ATP8A2: variants seen among roughly 807,000 people sequenced by gnomAD.
ATP8A2 encodes phospholipid-transporting ATPase IB.
A neutral mutation model predicts 165.6 loss-of-function variants in ATP8A2; 100 were observed. The observed-to-expected ratio is 0.60, with a 90% CI of 0.51 to 0.71. The LOEUF (loss-of-function observed/expected upper bound fraction) is 0.71. ATP8A2 is among the 30% of genes least tolerant of loss of function. The pLI, the probability that ATP8A2 is intolerant of heterozygous loss-of-function variation, is 0.00. For missense variants in ATP8A2, 1,227 were observed against 1,479.5 expected, an observed-to-expected ratio of 0.83 and a Z score of 2.80; for synonymous variants, 543 against 548.8, an observed-to-expected ratio of 0.99 and a Z score of 0.15.
intron 1 of ATP8A2, among the ~76,000 whole-genome samples, chr13:25,449,448 T>G (rs775862999): frequency 6.6e-6 from 1 of 152,234 alleles, no homozygotes; most frequent in African/African-American, 2.4e-5. Context: ...ATATGTTATT[T>G]CAGTTCCTTT....
intron 24 of ATP8A2, among the ~76,000 whole-genome samples, chr13:25,695,830 G>T (rs1045154388): frequency 5.9e-5 from 9 of 152,142 alleles, no homozygotes; most frequent in African/African-American, 2.2e-4. Flanking sequence ...CATGAGGGTT[G>T]AAATCAACTT....
chr13:25,573,758 G>A (rs2039536135), intron 18 of ATP8A2, among the ~76,000 whole-genome samples: 1 of 152,132 alleles, frequency 6.6e-6, no homozygotes, highest in South Asian at 2.1e-4. Flanking sequence ...ATGATGGAAA[G>A]TTAGGACAGG....
chr13:25,992,140 G>A (rs994383600), intron 35 of ATP8A2, among the ~76,000 whole-genome samples: 1 of 151,182 alleles, frequency 6.6e-6, no homozygotes, highest in Non-Finnish European at 1.5e-5. Flanking sequence ...TTTCAGAGTG[G>A]GCATACCATT....
At chr13:25,571,873 A>G in intron 18 of ATP8A2, 181 bp downstream of exon 18, 1 of 661,386 alleles carries the variant, frequency 1.5e-6, no homozygotes, top group Non-Finnish European at 2.7e-6. Flanking sequence ...GCATTGCAGT[A>G]TTGTTTTCCC....
intron 1 of ATP8A2, among the ~76,000 whole-genome samples, chr13:25,397,444 A>C (rs2033466249): frequency 6.6e-6 from 1 of 152,036 alleles, no homozygotes; most frequent in African/African-American, 2.4e-5. Context: ...CATGACCACA[A>C]CTTCCTAATA....
intron 16 of ATP8A2, among the ~76,000 whole-genome samples, chr13:25,565,198 G>A (rs981618368): frequency 6.6e-6 from 1 of 152,118 alleles, no homozygotes; most frequent in Non-Finnish European, 1.5e-5. Context: ...GAATTGTACT[G>A]CTATAAACAT....
chr13:25,685,632 A>C (rs1332759094), intron 24 of ATP8A2, among the ~76,000 whole-genome samples: 4 of 152,220 alleles, frequency 2.6e-5, no homozygotes, highest in African/African-American at 4.8e-5. Flanking sequence ...GGTGAGCTGC[A>C]TGGAAATCTG....
intron 33 of ATP8A2, among the ~76,000 whole-genome samples, chr13:25,879,662 C>T (rs1417455150): frequency 6.6e-6 from 1 of 152,220 alleles, no homozygotes; most frequent in Non-Finnish European, 1.5e-5. Flanking sequence ...TGGACAAGCC[C>T]AGGTCTCCCA....
chr13:25,743,565 A>T (rs1483195082), intron 25 of ATP8A2, among the ~76,000 whole-genome samples: 1 of 152,184 alleles, frequency 6.6e-6, no homozygotes, highest in Admixed American at 6.5e-5. Flanking sequence ...ATGGGAGCAG[A>T]GCTGCACTTC....
intron 18 of ATP8A2, among the ~76,000 whole-genome samples, chr13:25,572,993 T>A (rs1387218101): frequency 6.6e-6 from 1 of 152,200 alleles, no homozygotes; most frequent in East Asian, 1.9e-4. Context: ...GATGAGATCA[T>A]GTGATCATGT....
chr13:25,919,174 A>G (rs4141777), intron 33 of ATP8A2, among the ~76,000 whole-genome samples: 53,656 of 152,092 alleles, frequency 0.35, 10,488 homozygotes, highest in South Asian at 0.51. Context: ...AAAAGTATAC[A>G]TTGTCCTTTT....
chr13:25,578,619 T>C (rs2039684901), intron 20 of ATP8A2, among the ~76,000 whole-genome samples, 196 bp from the exon 21 acceptor site: 1 of 152,224 alleles, frequency 6.6e-6, no homozygotes, highest in South Asian at 2.1e-4. Context: ...ATAACAGATT[T>C]TGGTTTTGTT....
At chr13:25,377,787 C>A (rs1372983064) in intron 1 of ATP8A2, among the ~76,000 whole-genome samples, 36 of 152,128 alleles carry the variant, frequency 2.4e-4, no homozygotes, top group African/African-American at 8.2e-4. Flanking sequence ...GTGAGACTCT[C>A]TCTCTAACAA....
At chr13:25,626,923 A>G (rs999002160) in intron 24 of ATP8A2, among the ~76,000 whole-genome samples, 1 of 152,116 alleles carries the variant, frequency 6.6e-6, no homozygotes, top group Non-Finnish European at 1.5e-5. Context: ...AAACCAGCAG[A>G]TCTCGTGTTA....
intron 1 of ATP8A2, among the ~76,000 whole-genome samples, chr13:25,460,777 C>T (rs1425622475): frequency 1.3e-5 from 2 of 152,218 alleles, no homozygotes; most frequent in African/African-American, 4.8e-5. Context: ...GCAATTACAC[C>T]TGCAATGCTC....
At chr13:25,792,061 C>T (rs1245500891) in intron 27 of ATP8A2, among the ~76,000 whole-genome samples, 1 of 152,116 alleles carries the variant, frequency 6.6e-6, no homozygotes, top group East Asian at 1.9e-4. Flanking sequence ...GTGTAGAATT[C>T]TATTTGTGTC....
Position 25,389,443 on chromosome 13 carries a change from G to A in ATP8A2, c.76+17155G>A, listed in dbSNP as rs79540876. Among the ~76,000 whole-genome samples the A allele has an allele frequency of 9.2e-4, 140 of 152,290 alleles. 1 individual carries two copies. The East Asian group carries it at 0.024, about 26-fold the overall frequency. On this transcript the variant is annotated intron_variant, in intron 1 of 36. Coordinates refer to ENST00000381655, the MANE Select transcript of ATP8A2 (RefSeq NM_016529.6). ...CTGGGAGGTATGCTAAACTGGTCTA[G>A]GGTTACTTGGAAATCTTCAGCCCCT...
At chr13:25,627,687 C>T (rs1381319612) in intron 24 of ATP8A2, among the ~76,000 whole-genome samples, 1 of 152,134 alleles carries the variant, frequency 6.6e-6, no homozygotes, top group Non-Finnish European at 1.5e-5. Flanking sequence ...GTTGTTTAAG[C>T]CACCCAGTCT....
At chr13:25,525,177 A>C (rs1315610103) in intron 2 of ATP8A2, among the ~76,000 whole-genome samples, 1 of 152,070 alleles carries the variant, frequency 6.6e-6, no homozygotes. Context: ...AAACTAAAAA[A>C]ACCTCTGTGT....
Sources: gnomAD v4.1 joint callset for allele counts (sites outside exome capture counted in the v4.1 genomes callset) on GRCh38, gnomAD v4.1.1 for gene constraint, MANE v1.5 for transcripts, NCBI Gene and HGNC (gene_info 2026-07-23, HGNC 2026-07-21) for gene names.